Variants in MAGI1 observed in about 807,000 individuals in gnomAD.
MAGI1 encodes the protein membrane associated guanylate kinase, WW and PDZ domain containing 1.
Under a neutral mutation model 139.9 loss-of-function variants are expected in MAGI1, and 58 were observed. The observed-to-expected ratio is 0.41, with a 90% confidence interval of 0.34 to 0.52. MAGI1 has a LOEUF of 0.52. Ranked by LOEUF, MAGI1 falls within the 20% of genes least tolerant of loss-of-function variation. The probability of loss-of-function intolerance (pLI) is 0.12; values close to 1 mark genes in which losing one functional copy is unlikely to be tolerated. For synonymous variants in MAGI1, 812 were observed against 737.9 expected (o/e 1.10, Z -1.63); for missense variants, 1,874 against 1,901.6 (o/e 0.99, Z 0.27).
At chr3:65,430,903 A>G in intron 10 of MAGI1, 22 bp from the exon 11 acceptor site, 2 of 1,608,228 alleles carry the variant, frequency 1.2e-6, no homozygotes, top group Non-Finnish European at 1.7e-6. Flanking sequence ...TAAGAAACGC[A>G]TAAGGAATGT....
intron 1 of MAGI1, among the ~76,000 whole-genome samples, chr3:65,846,918 A>G (rs1429620581): frequency 1.3e-5 from 2 of 151,482 alleles, no homozygotes; most frequent in African/African-American, 2.4e-5. Context: ...TACTCCCCCA[A>G]ACAAAGGAAA....
intron 1 of MAGI1, among the ~76,000 whole-genome samples, chr3:65,901,319 A>G (rs2061222928): frequency 6.6e-6 from 1 of 152,226 alleles, no homozygotes. Flanking sequence ...GGGAGCTCAG[A>G]GAAAGTGTAT....
intron 20 of MAGI1, among the ~76,000 whole-genome samples, chr3:65,364,165 T>TAAA (rs555186167): frequency 2.2e-5 from 2 of 89,420 alleles, no homozygotes; most frequent in Admixed American, 1.3e-4. Flanking sequence ...CCCTGTCTCT[T>TAAA]AAAAAAAAAA....
intron 1 of MAGI1, among the ~76,000 whole-genome samples, chr3:65,705,781 C>T (rs553672303): frequency 7.1e-4 from 108 of 152,258 alleles, no homozygotes; most frequent in Non-Finnish European, 9.1e-4. Flanking sequence ...TAATATGAAA[C>T]GAACTTTTAA....
intron 1 of MAGI1, among the ~76,000 whole-genome samples, chr3:65,749,699 C>T (rs540086941): frequency 7.3e-6 from 1 of 136,504 alleles, no homozygotes; most frequent in East Asian, 2.1e-4. Flanking sequence ...AAAACCAGGT[C>T]TAGTCTGAGT....
intron 16 of MAGI1, 66 bp from the exon 17 acceptor site, chr3:65,379,620 C>A: frequency 6.5e-7 from 1 of 1,545,376 alleles, no homozygotes. Flanking sequence ...CTGCCCCTCC[C>A]TCCTTCCAGC....
chr3:65,379,666 A>T lies in MAGI1; in HGVS notation c.2702-112T>A, dbSNP rs188150877. ...AGAAATCAAAACGTGAACCGAGGGGAGGAGACAGCACCTGGTTTCACAATA... is the reference window on the plus strand; with the variant it reads ...AGAAATCAAAACGTGAACCGAGGGGTGGAGACAGCACCTGGTTTCACAATA... On this transcript the variant is annotated intron_variant, in intron 16 of 22. Coordinates refer to ENST00000402939, the MANE Select transcript of MAGI1 (RefSeq NM_001033057.2). 5 of 1,496,166 alleles carry T rather than the reference A, an allele frequency of 3.3e-6. No individual in the cohort carries two copies. The African/African-American group carries it at 6.9e-5, about 21-fold the overall frequency. 92.7% of individuals were successfully genotyped at this position (1,496,166 alleles called of 1,614,324 possible). A position where few individuals can be genotyped will look rare whatever the true frequency, so the allele number is the denominator to read the frequency against.
chr3:65,734,883 T>G (rs889181681), intron 1 of MAGI1, among the ~76,000 whole-genome samples: 67 of 45,444 alleles, frequency 1.5e-3, no homozygotes, highest in South Asian at 4.2e-3. Flanking sequence ...AGATGGGAGG[T>G]GAGGGGAGGA....
At chr3:65,504,938 C>T (rs940628) in intron 2 of MAGI1, among the ~76,000 whole-genome samples, 146,478 of 152,268 alleles carry the variant, frequency 0.96, 70,656 homozygotes, top group South Asian at 1. Context: ...CAGGTTGTAA[C>T]TGATTCATTT....
intron 2 of MAGI1, among the ~76,000 whole-genome samples, chr3:65,554,218 T>C (rs567727191): frequency 5.9e-5 from 9 of 152,334 alleles, no homozygotes; most frequent in South Asian, 2.1e-4. Flanking sequence ...AAGAGTCACT[T>C]TGGCACTATG....
In MAGI1 at chr3:65,899,987, T is replaced by C. The variant is rs558336672; in HGVS notation, c.313+138009A>G. Among the ~76,000 whole-genome samples the C allele has an allele frequency of 3.2e-4, 48 of 152,300 alleles. No homozygotes were observed. The Middle Eastern group carries it at 0.01, about 32-fold the overall frequency. On this transcript the variant is annotated intron_variant, in intron 1 of 22. Coordinates refer to ENST00000402939, the MANE Select transcript of MAGI1 (RefSeq NM_001033057.2). ...GGAACATTTTTCACATATCTTGCAG[T>C]TAATCACTTACATACTTAGATCAAA...
intron 1 of MAGI1, among the ~76,000 whole-genome samples, chr3:65,842,790 C>T (rs116222684): frequency 6.6e-6 from 1 of 152,224 alleles, no homozygotes; most frequent in Admixed American, 6.5e-5. Context: ...CAGGGCGCTT[C>T]TCCTGGAAGG....
intron 12 of MAGI1, among the ~76,000 whole-genome samples, chr3:65,423,977 T>C (rs781659908): frequency 6.6e-6 from 1 of 152,230 alleles, no homozygotes; most frequent in Non-Finnish European, 1.5e-5. Flanking sequence ...TATTTTGTCC[T>C]AGCATAGAAG....
At chr3:65,638,947 CTA>C in intron 1 of MAGI1, among the ~76,000 whole-genome samples, 1 of 152,040 alleles carries the variant, frequency 6.6e-6, no homozygotes, top group East Asian at 1.9e-4. Flanking sequence ...CAAGGTTGTG[CTA>C]TGTTGCCCAG....
chr3:65,420,819 T>G (rs1296214997), intron 12 of MAGI1, among the ~76,000 whole-genome samples: 1 of 152,196 alleles, frequency 6.6e-6, no homozygotes, highest in African/African-American at 2.4e-5. Context: ...TATAAGTAAG[T>G]AACTCAATGC....
intron 1 of MAGI1, among the ~76,000 whole-genome samples, chr3:66,010,123 A>G (rs28662146): frequency 4.8e-5 from 7 of 147,060 alleles, no homozygotes; most frequent in African/African-American, 1.7e-4. Context: ...GTTTATTTTT[A>G]AAAACAATAA....
At chr3:65,655,702 T>C (rs1331363825) in intron 1 of MAGI1, among the ~76,000 whole-genome samples, 2 of 152,298 alleles carry the variant, frequency 1.3e-5, no homozygotes, top group East Asian at 1.9e-4. Flanking sequence ...AGAATAGAAA[T>C]GGAAGCACAG....
intron 20 of MAGI1, 136 bp from the exon 21 acceptor site, chr3:65,363,744 C>T (rs1273857603): frequency 4.4e-6 from 3 of 681,464 alleles, no homozygotes; most frequent in Non-Finnish European, 4.8e-6. Context: ...TTGATTCATC[C>T]TCATTAATCT....
chr3:65,670,269 CT>C (rs2086773615), intron 1 of MAGI1, among the ~76,000 whole-genome samples: 1 of 151,928 alleles, frequency 6.6e-6, no homozygotes. Context: ...TTTCCAGGAA[CT>C]TTTTGAAGAC....
Sources: gnomAD v4.1 joint callset for allele counts (sites outside exome capture counted in the v4.1 genomes callset) on GRCh38, gnomAD v4.1.1 for gene constraint, MANE v1.5 for transcripts, NCBI Gene and HGNC (gene_info 2026-07-23, HGNC 2026-07-21) for gene names.